Variants in DHRS2 observed in about 807,000 individuals in gnomAD.
DHRS2 encodes dehydrogenase/reductase 2.
A neutral mutation model predicts 26.3 loss-of-function variants in DHRS2; 29 were observed. The observed-to-expected ratio is 1.10, with a 90% CI of 0.82 to 1.50. The LOEUF is 1.50. DHRS2 is among the 40% of genes most tolerant of loss of function. The probability of loss-of-function intolerance (pLI) is 0.00; values close to 1 mark genes in which losing one functional copy is unlikely to be tolerated. For missense variants in DHRS2, 439 were observed against 367.1 expected, an observed-to-expected ratio of 1.20 and a Z score of -1.60; for synonymous variants, 164 against 151.3, an observed-to-expected ratio of 1.08 and a Z score of -0.62.
At chr14:23,644,265 C>T (rs1890783552) in intron 6 of DHRS2, 103 bp downstream of exon 6, 1 of 1,554,186 alleles carries the variant, frequency 6.4e-7, no homozygotes, top group Non-Finnish European at 8.9e-7. Context: ...AGACCCCCAC[C>T]ATCCTCCTGC....
chr14:23,637,330 A>G (rs545511896), intron 1 of DHRS2, among the ~76,000 whole-genome samples: 1 of 152,338 alleles, frequency 6.6e-6, no homozygotes, highest in Non-Finnish European at 1.5e-5. Context: ...CTCACCAATC[A>G]GAAAGACATA....
At chr14:23,640,009 C>G (rs1347328410) in intron 4 of DHRS2, 114 bp downstream of exon 4, 4 of 989,558 alleles carry the variant, frequency 4.0e-6, no homozygotes, top group Middle Eastern at 3.6e-4. Flanking sequence ...ATGGGAGAAG[C>G]AGGCCCTGGG....
chr14:23,639,080 A>C, intron 2 of DHRS2, 76 bp downstream of exon 2: 1 of 1,593,682 alleles, frequency 6.3e-7, no homozygotes, highest in Non-Finnish European at 8.5e-7. Context: ...AGGGTTTTAA[A>C]GCAAGACCCA....
At chr14:23,639,428 G>T (rs1479391646) in intron 3 of DHRS2, 72 bp downstream of exon 3, 3 of 1,472,734 alleles carry the variant, frequency 2.0e-6, no homozygotes, top group South Asian at 2.8e-5. Context: ...CTTGGCCCTT[G>T]TGGGGTGGGT....
At position 23,636,736 on chromosome 14, in the gene DHRS2, A is replaced by C. The variant is rs1890313511; in HGVS notation, c.-75A>C. The C allele has an allele frequency of 6.6e-6, 1 of 152,216 alleles. No homozygotes were observed. The highest frequency in any genetic ancestry group is 2.1e-4 in the South Asian group (1 of 4,824). 9.4% of individuals were successfully genotyped at this position (152,216 alleles called of 1,614,324 possible). On this transcript the variant is annotated 5_prime_UTR_variant, in exon 1 of 9. Coordinates refer to ENST00000250383, the MANE Select transcript of DHRS2 (RefSeq NM_005794.4). ...GAGACTATTGCCAAGTGGTGAGACC[A>C]TCACCAAGCGGTGAGACTATCACCT... is the stretch of plus-strand genomic sequence containing the variant.
In DHRS2 at chr14:23,643,194, C is replaced by T. The variant is rs1440566044; in HGVS notation, c.463C>T (p.Gln155Ter). The T allele has an allele frequency of 1.2e-6, 2 of 1,614,056 alleles. No individual in the cohort carries two copies. The highest frequency in any genetic ancestry group is 1.7e-6 in the Non-Finnish European group (2 of 1,180,002). The change falls in exon 5 of 9, where the codon CAG (glutamine) becomes TAG (stop). Residue 155 changes from glutamine (Q) to a stop codon, truncating the protein, a stop_gained. Coordinates refer to ENST00000250383, the MANE Select transcript of DHRS2 (RefSeq NM_005794.4). LOFTEE classifies it high-confidence loss of function. ...NVKSPALLLS[Q>*]LLPYMENRRG... The stretch of plus-strand genomic sequence containing the variant: ...GAAGTCCCCAGCCCTGCTGCTGAGC[C>T]AGTTGCTGCCCTACATGGAGAACAG...
At position 23,644,855 on chromosome 14, in the gene DHRS2, A is replaced by G. The variant is rs1286100536; in HGVS notation, c.704A>G (p.Asn235Ser). 1 of 1,614,178 alleles carries G rather than the reference A, an allele frequency of 6.2e-7. No individual in the cohort carries two copies. Among genetic ancestry groups the G allele is most frequent in the Admixed American group, 1.7e-5 (1 of 60,028 alleles). Residue 235 changes from asparagine (N) to serine (S), a missense_variant, in exon 8 of 9, where the codon AAC becomes AGC. Transcript: ENST00000250383. The stretch of plus-strand genomic sequence containing the variant: ...CATGGGAATGAGTCTCTCTGGAAGA[A>G]CTTCAAGGAACATCATCAGCTGCAG... ...VFHGNESLWK[N>S]FKEHHQLQRI...
rs772119597 is a variant in DHRS2 at position 23,638,816 on chromosome 14, C to CT, written c.-38-8dup. 3 of 1,588,878 alleles carry CT rather than the reference C, an allele frequency of 1.9e-6. No homozygotes were observed. In the South Asian group the frequency reaches 3.4e-5, roughly 18 times the overall value. On this transcript the variant is annotated splice_polypyrimidine_tract_variant and intron_variant, in intron 1 of 8. Coordinates refer to ENST00000250383, the MANE Select transcript of DHRS2 (RefSeq NM_005794.4). ...GCATCAGTGATAAGTGAAATTGATTCTTTCCCCCAGGCCTGATTCAGCAGG... is the reference window on the plus strand; with the variant it reads ...GCATCAGTGATAAGTGAAATTGATTCTTTTCCCCCAGGCCTGATTCAGCAGG...
intron 3 of DHRS2, 84 bp from the exon 4 acceptor site, chr14:23,639,710 C>T (rs1044494034): frequency 2.8e-5 from 39 of 1,412,448 alleles, no homozygotes; most frequent in Admixed American, 5.0e-5. Flanking sequence ...CAAGCTTTGC[C>T]TGAAGGCCTT....
At chr14:23,639,054 G>A in intron 2 of DHRS2, 50 bp downstream of exon 2, 1 of 1,601,170 alleles carries the variant, frequency 6.2e-7, no homozygotes, top group Non-Finnish European at 8.5e-7. Flanking sequence ...GGTCCTTGTG[G>A]CTTCCACAAG....
chr14:23,640,527 C>T (rs1018379126), intron 4 of DHRS2: 14 of 752,678 alleles, frequency 1.9e-5, no homozygotes, highest in African/African-American at 1.3e-4. Flanking sequence ...AGTTGTTCCC[C>T]AGTGACTTCT....
intron 1 of DHRS2, 41 bp from the exon 2 acceptor site, chr14:23,638,786 C>A (rs1337762927): frequency 4.5e-6 from 7 of 1,554,260 alleles, no homozygotes; most frequent in Non-Finnish European, 6.1e-6. Flanking sequence ...TTCATGCTCA[C>A]TGAGGCATCA....
At chr14:23,634,412 C>T (rs1049616635), upstream of DHRS2, among the ~76,000 whole-genome samples, 5 of 152,024 alleles carry the variant, frequency 3.3e-5, no homozygotes, top group Admixed American at 6.6e-5. Flanking sequence ...AGCTCTACTG[C>T]GGAAATACCC....
chr14:23,636,586 C>T lies in DHRS2; in HGVS notation c.-225C>T, dbSNP rs762064758. 1.1e-4 allele frequency: 16 copies of T among 152,148 alleles called. No homozygotes were observed. Among genetic ancestry groups the T allele is most frequent in the African/African-American group, 2.2e-4 (9 of 41,512 alleles). 9.4% of individuals were successfully genotyped at this position (152,148 alleles called of 1,614,324 possible). ...CATCTTTAAGAACCGTAATACTCAC[C>T]GCAAGGGTCTGCAACTTCATTCTTG... is the stretch of plus-strand genomic sequence containing the variant. On this transcript the variant is annotated 5_prime_UTR_variant, in exon 1 of 9. Transcript: ENST00000250383.
In DHRS2 at chr14:23,645,344, G is replaced by A. The variant is rs779039114; in HGVS notation, c.*91G>A. ...TCATTTGGATCTGGAGGCAGAGTCT[G>A]CCATTCTGCCAGACTAGCAATTTGG... On this transcript the variant is annotated 3_prime_UTR_variant, in exon 9 of 9. Coordinates refer to ENST00000250383, the MANE Select transcript of DHRS2 (RefSeq NM_005794.4). 1 of 1,600,374 alleles carries A rather than the reference G, an allele frequency of 6.2e-7. No homozygotes were observed. The highest frequency in any genetic ancestry group is 8.5e-7 in the Non-Finnish European group (1 of 1,175,674).
chr14:23,639,680 A>G, intron 3 of DHRS2, 114 bp from the exon 4 acceptor site: 1 of 1,206,552 alleles, frequency 8.3e-7, no homozygotes, highest in Admixed American at 3.1e-5. Flanking sequence ...CACCTAGGTC[A>G]TTTTCCTTTA....
intron 8 of DHRS2, 56 bp from the exon 9 acceptor site, chr14:23,645,086 C>T: frequency 6.2e-7 from 1 of 1,609,518 alleles, no homozygotes; most frequent in Non-Finnish European, 8.5e-7. Flanking sequence ...CCGTGAGCCC[C>T]AGAGCAGCAG....
Position 23,643,203 on chromosome 14 carries a change from C to T in DHRS2, c.472C>T (p.Pro158Ser), listed in dbSNP as rs749663977. Residue 158 changes from proline (P) to serine (S), a missense_variant, in exon 5 of 9, where the codon CCC becomes TCC. Physicochemically the swap from Pro to Ser is moderately conservative, Grantham distance 74. Coordinates refer to ENST00000250383, the MANE Select transcript of DHRS2 (RefSeq NM_005794.4). ...SPALLLSQLL[P>S]YMENRRGAVI... Reference sequence around the variant, plus strand: ...AGCCCTGCTGCTGAGCCAGTTGCTGCCCTACATGGAGAACAGGTATGGCAG... The same window carrying T: ...AGCCCTGCTGCTGAGCCAGTTGCTGTCCTACATGGAGAACAGGTATGGCAG... 6.2e-7 allele frequency: 1 copy of T among 1,614,020 alleles called. No individual in the cohort carries two copies. Among genetic ancestry groups the T allele is most frequent in the Non-Finnish European group, 8.5e-7 (1 of 1,179,980 alleles).
rs962717203 is a variant in DHRS2 at position 23,640,344 on chromosome 14, G to T, written c.420+449G>T. 4.1e-6 allele frequency: 4 copies of T among 985,342 alleles called. No homozygotes were observed. The African/African-American group carries it at 7.0e-5, about 17-fold the overall frequency. The allele number at this position is 985,342 out of a possible 1,614,324, so 61.0% of individuals were successfully genotyped here. ...TAGCGGAGACTGTCTCTCCTAGAAGGGGGCTCCTCACTGAGTCCCACACAA... is the reference window on the plus strand; with the variant it reads ...TAGCGGAGACTGTCTCTCCTAGAAGTGGGCTCCTCACTGAGTCCCACACAA... On this transcript the variant is annotated intron_variant, in intron 4 of 8. Coordinates refer to ENST00000250383, the MANE Select transcript of DHRS2 (RefSeq NM_005794.4).
Sources: gnomAD v4.1 joint callset for allele counts (sites outside exome capture counted in the v4.1 genomes callset) on GRCh38, gnomAD v4.1.1 for gene constraint, MANE v1.5 for transcripts, NCBI Gene and HGNC (gene_info 2026-07-23, HGNC 2026-07-21) for gene names.